Variants in LRRC4C observed in about 807,000 individuals in gnomAD.
The protein encoded by LRRC4C is leucine-rich repeat-containing protein 4C.
In LRRC4C, 5 loss-of-function variants were observed where a neutral mutation model predicts 33.6. The observed-to-expected ratio is 0.15, with a 90% CI of 0.08 to 0.31. The LOEUF (loss-of-function observed/expected upper bound fraction) is 0.31. Among genes scored for constraint, LRRC4C ranks in the 10% least tolerant of loss-of-function variants. The probability of loss-of-function intolerance (pLI) is 1.00; values close to 1 mark genes in which losing one functional copy is unlikely to be tolerated. For synonymous variants in LRRC4C, 329 were observed against 302.0 expected, an observed-to-expected ratio of 1.09 and a Z score of -0.93; for missense variants, 560 against 796.7, an observed-to-expected ratio of 0.70 and a Z score of 3.58.
At chr11:40,517,174 T>A (rs1271723277) in intron 3 of LRRC4C, among the ~76,000 whole-genome samples, 3 of 152,192 alleles carry the variant, frequency 2.0e-5, no homozygotes, top group African/African-American at 7.2e-5. Flanking sequence ...CATGGACACA[T>A]ATAATTTACT....
At chr11:41,302,480 T>A (rs904794690) in intron 1 of LRRC4C, among the ~76,000 whole-genome samples, 1 of 152,222 alleles carries the variant, frequency 6.6e-6, no homozygotes. Flanking sequence ...GTAGGACAAA[T>A]TAAACAAAGT....
At chr11:40,848,333 T>G (rs948946132) in intron 2 of LRRC4C, among the ~76,000 whole-genome samples, 22 of 152,182 alleles carry the variant, frequency 1.4e-4, no homozygotes, top group Admixed American at 1.4e-3. Context: ...GTCCCAGAGA[T>G]TCTAGTAGGT....
chr11:41,225,136 C>T (rs999708030), intron 1 of LRRC4C, among the ~76,000 whole-genome samples: 11 of 151,750 alleles, frequency 7.2e-5, no homozygotes, highest in South Asian at 2.1e-4. Flanking sequence ...TTGGGGAGGC[C>T]GGGTAGGAGG....
chr11:40,467,601 T>C (rs1478131989), intron 3 of LRRC4C, among the ~76,000 whole-genome samples: 1 of 152,176 alleles, frequency 6.6e-6, no homozygotes, highest in Non-Finnish European at 1.5e-5. Flanking sequence ...TCTAAGCTTG[T>C]TTCAAAAATA....
intron 2 of LRRC4C, among the ~76,000 whole-genome samples, chr11:40,911,348 C>A (rs904900275): frequency 6.6e-6 from 1 of 152,182 alleles, no homozygotes; most frequent in Non-Finnish European, 1.5e-5. Context: ...TGAGACAAAA[C>A]TTCCAGAGGA....
At chr11:40,854,971 T>C (rs899695856) in intron 2 of LRRC4C, among the ~76,000 whole-genome samples, 1 of 152,086 alleles carries the variant, frequency 6.6e-6, no homozygotes, top group Non-Finnish European at 1.5e-5. Flanking sequence ...TAGAAAAAGA[T>C]TTTTCCCCAT....
At chr11:40,586,609 T>C (rs1234745491) in intron 3 of LRRC4C, among the ~76,000 whole-genome samples, 1 of 149,376 alleles carries the variant, frequency 6.7e-6, no homozygotes, top group African/African-American at 2.5e-5. Flanking sequence ...TGGTTTTAGG[T>C]CTAACATTTA....
At chr11:41,357,139 A>G (rs1952191032) in intron 1 of LRRC4C, among the ~76,000 whole-genome samples, 2 of 152,126 alleles carry the variant, frequency 1.3e-5, no homozygotes, top group South Asian at 4.1e-4. Flanking sequence ...AAAGACAGAA[A>G]GAGAAGGAGA....
At chr11:40,981,371 G>A (rs959289057) in intron 1 of LRRC4C, among the ~76,000 whole-genome samples, 3 of 151,098 alleles carry the variant, frequency 2.0e-5, no homozygotes, top group African/African-American at 7.3e-5. Flanking sequence ...CAGAGATCAC[G>A]CCACTGCATT....
At chr11:40,433,699 T>A (rs918216512) in intron 3 of LRRC4C, among the ~76,000 whole-genome samples, 5 of 152,172 alleles carry the variant, frequency 3.3e-5, no homozygotes, top group African/African-American at 7.2e-5. Flanking sequence ...TTTTATAATA[T>A]GTAAGTCGAT....
intron 1 of LRRC4C, among the ~76,000 whole-genome samples, chr11:41,107,159 T>A (rs1192862059): frequency 4.0e-5 from 6 of 151,474 alleles, no homozygotes; most frequent in African/African-American, 1.5e-4. Context: ...CCAATGAGCA[T>A]TTCCTTTGAG....
At chr11:40,712,627 G>A (rs1418335443) in intron 2 of LRRC4C, among the ~76,000 whole-genome samples, 1 of 152,034 alleles carries the variant, frequency 6.6e-6, no homozygotes, top group Non-Finnish European at 1.5e-5. Flanking sequence ...TACCAAGACA[G>A]TGTGAAAAAT....
intron 1 of LRRC4C, among the ~76,000 whole-genome samples, chr11:41,174,733 A>G (rs1213205354): frequency 6.6e-6 from 1 of 152,010 alleles, no homozygotes; most frequent in Non-Finnish European, 1.5e-5. Flanking sequence ...CTAATATTTC[A>G]CATGTTTATA....
At chr11:40,198,662 C>A (rs1182117176) in intron 5 of LRRC4C, among the ~76,000 whole-genome samples, 2 of 152,166 alleles carry the variant, frequency 1.3e-5, no homozygotes, top group Non-Finnish European at 2.9e-5. Flanking sequence ...CCCATCCGTG[C>A]CCATAGGCCT....
intron 1 of LRRC4C, among the ~76,000 whole-genome samples, chr11:41,310,015 A>G (rs1341705121): frequency 6.6e-6 from 1 of 152,208 alleles, no homozygotes; most frequent in Non-Finnish European, 1.5e-5. Context: ...TTGTCTATAC[A>G]GCACCTGTCA....
chr11:40,961,532 A>C (rs1343950494), intron 1 of LRRC4C, among the ~76,000 whole-genome samples: 1 of 151,750 alleles, frequency 6.6e-6, no homozygotes. Context: ...TTATAGCAGC[A>C]GATGTTAATA....
intron 1 of LRRC4C, among the ~76,000 whole-genome samples, chr11:41,178,000 C>A (rs1945278865): frequency 6.6e-6 from 1 of 152,148 alleles, no homozygotes; most frequent in African/African-American, 2.4e-5. Flanking sequence ...TGGTTAAAGC[C>A]TGCATTTCTA....
Position 41,442,458 on chromosome 11 carries a change from C to CTTT in LRRC4C, c.-496+16970_-496+16972dup, listed in dbSNP as rs775679545. On this transcript the variant is annotated intron_variant, in intron 1 of 6. Transcript: ENST00000528697. ...AGTTCTCTCTCTTTGTTGCTTTTTTCTTTTTTTTTTTTTTTTTTTTTTTTT... is the reference window on the plus strand; with the variant it reads ...AGTTCTCTCTCTTTGTTGCTTTTTTCTTTTTTTTTTTTTTTTTTTTTTTTTTTT... Among the ~76,000 whole-genome samples the CTTT allele has an allele frequency of 5.8e-4, 49 of 84,082 alleles. 1 individual carries two copies. Among genetic ancestry groups the CTTT allele is most frequent in the East Asian group, 1.3e-3 (4 of 2,966 alleles). The allele number at this position is 84,082 out of a possible 152,430, so 55.2% of individuals were successfully genotyped here.
chr11:41,054,626 G>A (rs1858484361), intron 1 of LRRC4C, among the ~76,000 whole-genome samples: 1 of 152,194 alleles, frequency 6.6e-6, no homozygotes, highest in South Asian at 2.1e-4. Flanking sequence ...CGAGTTTGAA[G>A]TTAGTGCTTT....
Sources: allele counts gnomAD v4.1 joint callset (sites outside exome capture counted in the v4.1 genomes callset), GRCh38; gene constraint gnomAD v4.1.1; transcripts MANE v1.5; gene names NCBI Gene and HGNC (gene_info 2026-07-23, HGNC 2026-07-21).